The following ZNF700 variants were observed in gnomAD, a reference collection of about 807,000 sequenced individuals.
The protein encoded by ZNF700 is zinc finger protein 700.
ZNF700 carries 38 observed loss-of-function variants against 65.3 expected under a neutral mutation model. That is an observed-to-expected ratio of 0.58 (90% CI 0.45 to 0.76). The LOEUF is 0.76. Ranked by LOEUF, ZNF700 falls within the 30% of genes least tolerant of loss-of-function variation. The probability of loss-of-function intolerance (pLI) is 0.00; values close to 1 mark genes in which losing one functional copy is unlikely to be tolerated. For synonymous variants in ZNF700, 285 were observed against 290.4 expected (o/e 0.98, Z 0.19); for missense variants, 857 against 888.4 (o/e 0.96, Z 0.45).
chr19:11,944,133 G>C (rs1972924978), intron 1 of ZNF700, among the ~76,000 whole-genome samples: 1 of 152,090 alleles, frequency 6.6e-6, no homozygotes, highest in Non-Finnish European at 1.5e-5. Context: ...TAAGCTAATG[G>C]GGCGTTTCTC....
chr19:11,934,962 G>T (rs1357694751), intron 1 of ZNF700, among the ~76,000 whole-genome samples: 1 of 147,086 alleles, frequency 6.8e-6, no homozygotes, highest in Non-Finnish European at 1.5e-5. Flanking sequence ...GGGTGGATCA[G>T]GAGGTCAGAT....
At chr19:11,947,479 T>G (rs1227142721) in intron 2 of ZNF700, 35 bp from the exon 3 acceptor site, 1 of 1,606,768 alleles carries the variant, frequency 6.2e-7, no homozygotes, top group Non-Finnish European at 8.5e-7. Flanking sequence ...AATTTTATAC[T>G]GCTTCAGGAC....
At chr19:11,935,068 T>TG (rs377475343) in intron 1 of ZNF700, among the ~76,000 whole-genome samples, 1 of 140,490 alleles carries the variant, frequency 7.1e-6, no homozygotes, top group Non-Finnish European at 1.5e-5. Flanking sequence ...TCCCAGCTAC[T>TG]GGGAGGCTGA....
rs1973027225 is a variant in ZNF700 at position 11,949,615 on chromosome 19, A to G, written c.1591A>G (p.Thr531Ala). The G allele has an allele frequency of 6.2e-7, 1 of 1,613,558 alleles. No individual in the cohort carries two copies. The highest frequency in any genetic ancestry group is 8.5e-7 in the Non-Finnish European group (1 of 1,179,910). ...KSFQTHEKTH[T>A]GEKPYECNQC... ...ATTTCAAACACATGAAAAAACTCAC[A>G]CTGGAGAGAAACCCTATGAATGCAA... Residue 531 changes from threonine (T) to alanine (A), a missense_variant, in exon 4 of 4, where the codon ACT (threonine) becomes GCT (alanine). By Grantham distance (58) the Thr-to-Ala change is moderately conservative. Around this residue, in one of 3 missense-constraint regions of ZNF700, gnomAD observed 3 missense variants for 18.1 expected, o/e 0.17. Coordinates refer to ENST00000254321, the MANE Select transcript of ZNF700 (RefSeq NM_144566.3).
chr19:11,925,113 C>T lies in ZNF700; in HGVS notation c.-98C>T, dbSNP rs1972602310. On this transcript the variant is annotated 5_prime_UTR_variant, in exon 1 of 4. Transcript: ENST00000254321. ...AAATGGAGGGGGTCGCTTTCCTCAC[C>T]TTCCTCGCTGCGCGGGCGGCGGTTG... The T allele has an allele frequency of 6.8e-6, 10 of 1,470,698 alleles. No individual in the cohort carries two copies. The highest frequency in any genetic ancestry group is 4.2e-5 in the African/African-American group (3 of 71,100). The allele number at this position is 1,470,698 out of a possible 1,614,324, so 91.1% of individuals were successfully genotyped here.
chr19:11,942,099 T>G (rs1257732787), intron 1 of ZNF700, among the ~76,000 whole-genome samples: 1 of 151,908 alleles, frequency 6.6e-6, no homozygotes, highest in Non-Finnish European at 1.5e-5. Flanking sequence ...AGCTGCATTC[T>G]GACAGGATAA....
chr19:11,933,134 C>A (rs1972739762), intron 1 of ZNF700, among the ~76,000 whole-genome samples: 3 of 147,536 alleles, frequency 2.0e-5, no homozygotes, highest in South Asian at 4.2e-4. Flanking sequence ...AACATCTTGA[C>A]TGGCCAGGTG....
chr19:11,926,348 C>T (rs279235), intron 1 of ZNF700, among the ~76,000 whole-genome samples: 1 of 151,944 alleles, frequency 6.6e-6, no homozygotes, highest in East Asian at 1.9e-4. Flanking sequence ...GGGTTTTTTG[C>T]GGGTCCTGTT....
At chr19:11,947,738 G>T (rs1194707970) in intron 3 of ZNF700, among the ~76,000 whole-genome samples, 164 bp downstream of exon 3, 1 of 152,154 alleles carries the variant, frequency 6.6e-6, no homozygotes, top group Admixed American at 6.6e-5. Flanking sequence ...GAGGCTGAGG[G>T]CTCACTCCTG....
At chr19:11,941,203 C>T (rs1972877357) in intron 1 of ZNF700, among the ~76,000 whole-genome samples, 1 of 152,244 alleles carries the variant, frequency 6.6e-6, no homozygotes, top group Non-Finnish European at 1.5e-5. Flanking sequence ...CTCCACGTCC[C>T]CACCAGACTC....
chr19:11,925,418 C>T, intron 1 of ZNF700, 145 bp downstream of exon 1: 1 of 1,345,896 alleles, frequency 7.4e-7, no homozygotes, highest in African/African-American at 1.5e-5. Context: ...GCCCTCGGTC[C>T]CCTTGGCCGC....
chr19:11,942,709 T>C (rs1972904537), intron 1 of ZNF700, among the ~76,000 whole-genome samples: 1 of 152,224 alleles, frequency 6.6e-6, no homozygotes, highest in South Asian at 2.1e-4. Flanking sequence ...AGAAAGACTT[T>C]CACAGTGCTT....
At chr19:11,937,614 G>A (rs1187296022) in intron 1 of ZNF700, among the ~76,000 whole-genome samples, 2 of 149,376 alleles carry the variant, frequency 1.3e-5, no homozygotes, top group Admixed American at 6.7e-5. Flanking sequence ...TCAGCCTCCC[G>A]AGTAACTGAG....
chr19:11,946,393 G>T (rs1972959427), intron 1 of ZNF700, among the ~76,000 whole-genome samples: 1 of 152,076 alleles, frequency 6.6e-6, no homozygotes, highest in Non-Finnish European at 1.5e-5. Flanking sequence ...TTCCTGCCAT[G>T]GGTCCTCTGA....
intron 1 of ZNF700, among the ~76,000 whole-genome samples, chr19:11,935,604 A>T (rs1478399504): frequency 6.6e-6 from 1 of 152,070 alleles, no homozygotes; most frequent in Non-Finnish European, 1.5e-5. Flanking sequence ...TTTGGATACC[A>T]GTCCATCACC....
chr19:11,925,136 T>A lies in ZNF700; in HGVS notation c.-75T>A. On this transcript the variant is annotated 5_prime_UTR_variant, in exon 1 of 4. It adds an upstream start codon to the 5' untranslated region. Coordinates refer to ENST00000254321, the MANE Select transcript of ZNF700 (RefSeq NM_144566.3). ...ACCTTCCTCGCTGCGCGGGCGGCGG[T>A]TGGTAACCGGTCAGACCAGCCCGAG... The A allele has an allele frequency of 6.4e-7, 1 of 1,554,052 alleles. No homozygotes were observed.
At chr19:11,927,422 T>TTAAATAAATAAATAAA (rs57120234) in intron 1 of ZNF700, among the ~76,000 whole-genome samples, 4 of 143,040 alleles carry the variant, frequency 2.8e-5, no homozygotes, top group East Asian at 2.0e-4. Context: ...CTGTCTCTAT[T>TTAAATAAATAAATAAA]TAAATAAATA....
chr19:11,936,253 G>T (rs1428467996), intron 1 of ZNF700, among the ~76,000 whole-genome samples: 1 of 152,166 alleles, frequency 6.6e-6, no homozygotes, highest in Admixed American at 6.5e-5. Context: ...GATCCTTGAG[G>T]AATCGCCACA....
chr19:11,928,994 TACA>T (rs1972676251), intron 1 of ZNF700, among the ~76,000 whole-genome samples: 4 of 148,096 alleles, frequency 2.7e-5, no homozygotes, highest in African/African-American at 1.1e-4. Context: ...TTCAGTCATT[TACA>T]ACATTTTACA....
Sources: gnomAD v4.1 joint callset for allele counts (sites outside exome capture counted in the v4.1 genomes callset) on GRCh38, gnomAD v4.1.1 for gene constraint, gnomAD v4.1.1 regional missense constraint, MANE v1.5 for transcripts, NCBI Gene and HGNC (gene_info 2026-07-23, HGNC 2026-07-21) for gene names.